Variants in THSD7A observed in about 807,000 individuals in gnomAD.
THSD7A encodes thrombospondin type 1 domain containing 7A.
Under a neutral mutation model 231.3 loss-of-function variants are expected in THSD7A, and 96 were observed. That is an observed-to-expected ratio of 0.41 (90% CI 0.35 to 0.49). The LOEUF (loss-of-function observed/expected upper bound fraction) is 0.49. Ranked by LOEUF, THSD7A falls within the 20% of genes least tolerant of loss-of-function variation. THSD7A has a pLI of 0.05. For synonymous variants in THSD7A, 940 were observed against 743.3 expected (o/e 1.26, Z -4.30); for missense variants, 2,290 against 2,070.2 (o/e 1.11, Z -2.06).
intron 1 of THSD7A, among the ~76,000 whole-genome samples, chr7:11,750,204 G>A (rs1176524700): frequency 1.3e-5 from 2 of 151,576 alleles, no homozygotes; most frequent in Non-Finnish European, 2.9e-5. Context: ...ACCAACGACT[G>A]GAAGAGACTA....
In THSD7A at chr7:11,376,583, T is replaced by C. The variant is rs1465984597; in HGVS notation, c.4876A>G (p.Ile1626Val). The C allele has an allele frequency of 6.3e-7, 1 of 1,581,050 alleles. No individual in the cohort carries two copies. The highest frequency in any genetic ancestry group is 8.6e-7 in the Non-Finnish European group (1 of 1,162,610). ...TTAAACACTCACCAAGCTAGATAAA[T>C]CATGGAGACAATAAAGATGAGTAAC... Reference protein sequence around the residue: ...FVLLIFIVSMIYLACKKPKKP... With the variant: ...FVLLIFIVSMVYLACKKPKKP... Residue 1626 changes from isoleucine to valine, a missense_variant, in exon 27 of 28, where the codon ATT (isoleucine) becomes GTT (valine). Physicochemically the swap from Ile to Val is conservative, Grantham distance 29. Coordinates refer to ENST00000423059, the MANE Select transcript of THSD7A (RefSeq NM_015204.3).
intron 1 of THSD7A, among the ~76,000 whole-genome samples, chr7:11,689,693 G>A (rs1780172743): frequency 6.6e-6 from 1 of 151,062 alleles, no homozygotes; most frequent in Non-Finnish European, 1.5e-5. Context: ...GTTAACCTAT[G>A]ATTTCAAAAA....
chr7:11,507,420 T>G (rs1021271541), intron 6 of THSD7A, among the ~76,000 whole-genome samples: 4 of 152,144 alleles, frequency 2.6e-5, no homozygotes, highest in Admixed American at 2.0e-4. Context: ...TTTGGGAAAT[T>G]TGTATGCCCG....
At chr7:11,739,403 A>T (rs1782028905) in intron 1 of THSD7A, among the ~76,000 whole-genome samples, 1 of 151,908 alleles carries the variant, frequency 6.6e-6, no homozygotes, top group Non-Finnish European at 1.5e-5. Flanking sequence ...AATAAAGAAA[A>T]CTATTTATGA....
intron 4 of THSD7A, among the ~76,000 whole-genome samples, chr7:11,575,865 G>A (rs1482626651): frequency 6.6e-6 from 1 of 152,118 alleles, no homozygotes; most frequent in Non-Finnish European, 1.5e-5. Context: ...ATTCATTATG[G>A]TGTTTATTGT....
intron 1 of THSD7A, among the ~76,000 whole-genome samples, chr7:11,770,925 C>A (rs531404508): frequency 1.5e-4 from 22 of 151,532 alleles, no homozygotes; most frequent in African/African-American, 5.3e-4. Flanking sequence ...ATGAAGAAAT[C>A]CATTAATATA....
At chr7:11,809,867 A>G (rs913375732) in intron 1 of THSD7A, among the ~76,000 whole-genome samples, 13 of 152,170 alleles carry the variant, frequency 8.5e-5, no homozygotes, top group African/African-American at 2.9e-4. Context: ...AATAGAGCTG[A>G]GAATTGTATC....
At chr7:11,765,734 A>T (rs921404956) in intron 1 of THSD7A, among the ~76,000 whole-genome samples, 1 of 152,136 alleles carries the variant, frequency 6.6e-6, no homozygotes, top group South Asian at 2.1e-4. Context: ...AGTATACAGT[A>T]GTGGTATTCC....
At chr7:11,701,311 A>G (rs928656431) in intron 1 of THSD7A, among the ~76,000 whole-genome samples, 2 of 151,238 alleles carry the variant, frequency 1.3e-5, no homozygotes, top group East Asian at 2.0e-4. Flanking sequence ...AACAACACAC[A>G]TATTTCCAAT....
At chr7:11,707,224 G>C (rs1029675086) in intron 1 of THSD7A, among the ~76,000 whole-genome samples, 18 of 150,774 alleles carry the variant, frequency 1.2e-4, no homozygotes, top group Non-Finnish European at 2.5e-4. Context: ...TCCTTCCATT[G>C]CTTTTCTTTA....
Position 11,406,240 on chromosome 7 carries a change from T to A in THSD7A, c.4237+60A>T. 4.6e-6 allele frequency: 7 copies of A among 1,516,724 alleles called. No homozygotes were observed. The highest frequency in any genetic ancestry group is 6.2e-6 in the Non-Finnish European group (7 of 1,124,486). 94.0% of individuals were successfully genotyped at this position (1,516,724 alleles called of 1,614,324 possible). The stretch of plus-strand genomic sequence containing the variant: ...AACTTATACTTTATATGCAACCCCT[T>A]CACGGCCCTTGTCCTAGGAAAAAAT... On this transcript the variant is annotated intron_variant, in intron 22 of 27. Transcript: ENST00000423059. The surrounding 1 kb of genome is among the most constrained non-coding windows in gnomAD (Gnocchi z 4.7).
intron 2 of THSD7A, among the ~76,000 whole-genome samples, chr7:11,602,966 G>C (rs941971893): frequency 6.6e-6 from 1 of 150,932 alleles, no homozygotes; most frequent in South Asian, 2.1e-4. Flanking sequence ...CATAGGCATG[G>C]GCAAGGACTT....
At chr7:11,529,384 C>A (rs1346407847) in intron 6 of THSD7A, among the ~76,000 whole-genome samples, 1 of 152,088 alleles carries the variant, frequency 6.6e-6, no homozygotes, top group Non-Finnish European at 1.5e-5. Flanking sequence ...AGCTAGGCTG[C>A]AAATCATGTA....
chr7:11,546,773 C>T (rs1789417775), intron 4 of THSD7A, among the ~76,000 whole-genome samples: 1 of 152,056 alleles, frequency 6.6e-6, no homozygotes, highest in Non-Finnish European at 1.5e-5. Flanking sequence ...CAATGAAGAT[C>T]ACTGAGATTC....
At chr7:11,758,383 T>C (rs900979030) in intron 1 of THSD7A, among the ~76,000 whole-genome samples, 20 of 151,952 alleles carry the variant, frequency 1.3e-4, no homozygotes, top group Non-Finnish European at 2.4e-4. Context: ...CGAGCTGATA[T>C]CAGAGGAACT....
intron 1 of THSD7A, among the ~76,000 whole-genome samples, chr7:11,745,388 G>A (rs1205866353): frequency 6.6e-6 from 1 of 151,866 alleles, no homozygotes; most frequent in Admixed American, 6.6e-5. Context: ...TTCCCATTTT[G>A]TAGGTTGCTT....
chr7:11,815,962 C>A (rs2128185587), intron 1 of THSD7A, among the ~76,000 whole-genome samples: 1 of 152,248 alleles, frequency 6.6e-6, no homozygotes, highest in Non-Finnish European at 1.5e-5. Flanking sequence ...TGTTCCTTCT[C>A]TGCCTGGAAT....
intron 1 of THSD7A, among the ~76,000 whole-genome samples, chr7:11,725,848 G>A (rs1781527610): frequency 6.6e-6 from 1 of 151,934 alleles, no homozygotes; most frequent in South Asian, 2.1e-4. Flanking sequence ...TTTATTCTCA[G>A]TGGATCTGTT....
At chr7:11,500,281 G>A (rs1021330370) in intron 6 of THSD7A, among the ~76,000 whole-genome samples, 3 of 152,068 alleles carry the variant, frequency 2.0e-5, no homozygotes, top group Non-Finnish European at 4.4e-5. Flanking sequence ...AAATGTTGAG[G>A]GACTTCATTA....
Sources: allele counts gnomAD v4.1 joint callset (sites outside exome capture counted in the v4.1 genomes callset), GRCh38; gene constraint gnomAD v4.1.1; non-coding constraint Gnocchi (gnomAD v3.1); transcripts MANE v1.5; gene names NCBI Gene and HGNC (gene_info 2026-07-23, HGNC 2026-07-21).